Variants in PLCH1 observed in about 807,000 individuals in gnomAD.
The protein encoded by PLCH1 is 1-phosphatidylinositol 4,5-bisphosphate phosphodiesterase eta-1.
A neutral mutation model predicts 126.7 loss-of-function variants in PLCH1; 60 were observed. The ratio of observed to expected loss-of-function variants is 0.47; its 90% confidence interval spans 0.38 to 0.59. The LOEUF (loss-of-function observed/expected upper bound fraction) is 0.59. Among genes scored for constraint, PLCH1 ranks in the 20% least tolerant of loss-of-function variants. PLCH1 has a pLI of 0.00. For missense variants in PLCH1, 1,723 were observed against 2,040.0 expected (o/e 0.84, Z 2.99); for synonymous variants, 719 against 734.9 (o/e 0.98, Z 0.35).
At chr3:155,660,361 T>C (rs906506314) in intron 2 of PLCH1, among the ~76,000 whole-genome samples, 1 of 152,244 alleles carries the variant, frequency 6.6e-6, no homozygotes, top group African/African-American at 2.4e-5. Context: ...CTGCATACAC[T>C]GAAGGCATTT....
At chr3:155,596,578 G>A (rs913220861) in intron 2 of PLCH1, among the ~76,000 whole-genome samples, 200 bp from the exon 3 acceptor site, 59 of 135,666 alleles carry the variant, frequency 4.3e-4, no homozygotes, top group African/African-American at 3.8e-4. Context: ...CTTACTAACA[G>A]AAAAAAAAAA....
At chr3:155,696,773 C>A (rs1012123176) in intron 2 of PLCH1, among the ~76,000 whole-genome samples, 1 of 152,060 alleles carries the variant, frequency 6.6e-6, no homozygotes, top group East Asian at 1.9e-4. Flanking sequence ...AATTGGTATT[C>A]CCAAGCATAA....
At chr3:155,655,338 G>T (rs1345953714) in intron 2 of PLCH1, among the ~76,000 whole-genome samples, 1 of 151,688 alleles carries the variant, frequency 6.6e-6, no homozygotes, top group Non-Finnish European at 1.5e-5. Flanking sequence ...CGGGAGGTTA[G>T]AACGATCATT....
At chr3:155,650,025 C>T in intron 2 of PLCH1, among the ~76,000 whole-genome samples, 1 of 152,048 alleles carries the variant, frequency 6.6e-6, no homozygotes, top group Non-Finnish European at 1.5e-5. Context: ...TGAGTGCTTA[C>T]AGGCACAGGG....
At chr3:155,741,129 T>G (rs1246458916) in intron 1 of PLCH1, among the ~76,000 whole-genome samples, 3 of 152,232 alleles carry the variant, frequency 2.0e-5, no homozygotes, top group Non-Finnish European at 2.9e-5. Flanking sequence ...AATGCACTTC[T>G]AATTTGGCAC....
At chr3:155,508,814 T>A (rs1576861068) in intron 12 of PLCH1, among the ~76,000 whole-genome samples, 1 of 70,846 alleles carries the variant, frequency 1.4e-5, no homozygotes, top group South Asian at 5.8e-4. Flanking sequence ...TCTAAAATTC[T>A]CTTTTTTGGT....
chr3:155,704,131 C>T lies in PLCH1; in HGVS notation c.79+15G>A. On this transcript the variant is annotated intron_variant, in intron 2 of 22. Transcript: ENST00000460012. ...AATAAAAGATCCAACTACATAAATA[C>T]AAGAGACAGCTTACCATGAAACACA... The T allele has an allele frequency of 8.7e-7, 1 of 1,147,368 alleles. No homozygotes were observed. The highest frequency in any genetic ancestry group is 1.1e-6 in the Non-Finnish European group (1 of 910,974). 71.1% of individuals were successfully genotyped at this position (1,147,368 alleles called of 1,614,324 possible).
chr3:155,732,457 C>T (rs540498555), intron 1 of PLCH1, among the ~76,000 whole-genome samples: 4 of 149,588 alleles, frequency 2.7e-5, no homozygotes, highest in Admixed American at 6.7e-5. Context: ...GAGGCCGAGG[C>T]GGGTGGATCA....
At chr3:155,537,662 A>G (rs1192226888) in intron 10 of PLCH1, among the ~76,000 whole-genome samples, 1 of 152,156 alleles carries the variant, frequency 6.6e-6, no homozygotes, top group Admixed American at 6.5e-5. Context: ...GGGACACTAT[A>G]CCATGATAAA....
At chr3:155,686,743 A>G (rs1744980722) in intron 2 of PLCH1, among the ~76,000 whole-genome samples, 1 of 152,176 alleles carries the variant, frequency 6.6e-6, no homozygotes, top group Non-Finnish European at 1.5e-5. Flanking sequence ...CACATTCCCT[A>G]TTCTCTAGAG....
At chr3:155,494,572 C>A in intron 15 of PLCH1, 55 bp from the exon 16 acceptor site, 1 of 1,365,082 alleles carries the variant, frequency 7.3e-7, no homozygotes. Flanking sequence ...AAGAAAACAC[C>A]ACGCACAGAA....
At position 155,692,459 on chromosome 3, in the gene PLCH1, A is replaced by AATGGATGGATGG. The variant is rs59965316; in HGVS notation, c.79+11675_79+11686dup. Among the ~76,000 whole-genome samples, 1,070 of 151,752 alleles carry AATGGATGGATGG rather than the reference A, an allele frequency of 7.1e-3. 13 individuals carry two copies. The highest frequency in any genetic ancestry group is 0.024 in the African/African-American group (1,001 of 41,210). ...TATACAGATAAAGAATGAATGAATG[A>AATGGATGGATGG]ATGGATGGATGGATGGATGGATGGA... On this transcript the variant is annotated intron_variant, in intron 2 of 22. Coordinates refer to ENST00000460012, the MANE Select transcript of PLCH1 (RefSeq NM_014996.4).
intron 21 of PLCH1, among the ~76,000 whole-genome samples, chr3:155,464,613 T>C (rs983037056): frequency 4.6e-5 from 7 of 152,196 alleles, no homozygotes; most frequent in African/African-American, 1.7e-4. Context: ...AGTATCTTGA[T>C]TGAGACCTCA....
At chr3:155,609,702 CA>C (rs1734801284) in intron 2 of PLCH1, among the ~76,000 whole-genome samples, 1 of 151,698 alleles carries the variant, frequency 6.6e-6, no homozygotes, top group Non-Finnish European at 1.5e-5. Context: ...AAAGTAAAAA[CA>C]AACACAACTT....
intron 21 of PLCH1, chr3:155,486,143 C>A: frequency 6.5e-7 from 1 of 1,530,498 alleles, no homozygotes; most frequent in Non-Finnish European, 8.9e-7. Context: ...TGCTGAGAAA[C>A]TACCTTTGTA....
chr3:155,739,664 T>C (rs1577392547), intron 1 of PLCH1, among the ~76,000 whole-genome samples: 1 of 152,222 alleles, frequency 6.6e-6, no homozygotes, highest in Admixed American at 6.5e-5. Context: ...TTCCCGCCTA[T>C]TACCACTGCA....
chr3:155,541,221 T>C (rs528374863), intron 10 of PLCH1, among the ~76,000 whole-genome samples: 7 of 151,876 alleles, frequency 4.6e-5, no homozygotes, highest in South Asian at 4.2e-4. Flanking sequence ...ATAATAGACT[T>C]TGGGGACTCG....
intron 2 of PLCH1, among the ~76,000 whole-genome samples, chr3:155,600,618 A>AC (rs753933891): frequency 0.19 from 28,441 of 151,142 alleles, 3,539 homozygotes; most frequent in African/African-American, 0.36. Context: ...AAAAAAAAAA[A>AC]AAGTTTATTT....
intron 21 of PLCH1, among the ~76,000 whole-genome samples, chr3:155,468,414 A>T (rs1442056176): frequency 1.3e-5 from 2 of 152,204 alleles, no homozygotes; most frequent in African/African-American, 4.8e-5. Context: ...AATGACATTG[A>T]ATGTACTTGG....
Sources: allele counts gnomAD v4.1 joint callset (sites outside exome capture counted in the v4.1 genomes callset), GRCh38; gene constraint gnomAD v4.1.1; transcripts MANE v1.5; gene names NCBI Gene and HGNC (gene_info 2026-07-23, HGNC 2026-07-21).